The following PLEC variants were observed in gnomAD, a reference collection of about 807,000 sequenced individuals.
The protein encoded by PLEC is hemidesmosomal protein 1.
In PLEC, 216 loss-of-function variants were observed where a neutral mutation model predicts 392.8. That is an observed-to-expected ratio of 0.55 (90% CI 0.49 to 0.62). The LOEUF is 0.62. PLEC is among the 20% of genes least tolerant of loss of function. PLEC has a pLI of 0.00. For synonymous variants in PLEC, 3,621 were observed against 2,980.6 expected (o/e 1.21, Z -7.00); for missense variants, 6,863 against 6,563.4 (o/e 1.05, Z -1.58).
chr8:143,953,325 C>T (rs1832390082), upstream of PLEC, among the ~76,000 whole-genome samples: 1 of 149,674 alleles, frequency 6.7e-6, no homozygotes, highest in Admixed American at 6.6e-5. Flanking sequence ...GGCGCCTCTG[C>T]ACAGTGGTCC....
chr8:143,930,633 C>T (rs1826961260), intron 19 of PLEC, 97 bp from the exon 20 acceptor site: 1 of 1,311,702 alleles, frequency 7.6e-7, no homozygotes, highest in Admixed American at 2.1e-5. Context: ...TGGGGCCCTC[C>T]TGATGCTCCC....
At chr8:143,951,865 AC>A (rs1398189193), upstream of PLEC, among the ~76,000 whole-genome samples, 221 of 143,696 alleles carry the variant, frequency 1.5e-3, no homozygotes, top group African/African-American at 4.9e-3. Context: ...CCCATCATCC[AC>A]CCCCCCCTCC....
upstream of PLEC, among the ~76,000 whole-genome samples, chr8:143,941,189 G>C (rs117237647): frequency 6.6e-6 from 1 of 152,200 alleles, no homozygotes; most frequent in Non-Finnish European, 1.5e-5. Flanking sequence ...CTGGGGGCCC[G>C]GCCGTGACCA....
At chr8:143,938,058 G>A in intron 3 of PLEC, 93 bp downstream of exon 3, 3 of 872,372 alleles carry the variant, frequency 3.4e-6, no homozygotes, top group South Asian at 2.9e-5. Context: ...ATTCCAAGTA[G>A]AGTGGGCGGC....
chr8:143,972,503 G>A (rs1161494941), intron 1 of PLEC, among the ~76,000 whole-genome samples: 3 of 152,202 alleles, frequency 2.0e-5, no homozygotes, highest in African/African-American at 7.2e-5. Flanking sequence ...GCGGCACCAC[G>A]GGGCCCCAGC....
Position 143,925,781 on chromosome 8 carries a change from T to C in PLEC, c.4148A>G (p.Lys1383Arg). 6.3e-7 allele frequency: 1 copy of C among 1,587,028 alleles called. No individual in the cohort carries two copies. The highest frequency in any genetic ancestry group is 1.1e-5 in the South Asian group (1 of 89,482). ...RQLAEAHAQA[K>R]AQAEREAKEL... is the part of the protein sequence containing the mutation. ...CTTCGCCTCCCGCTCCGCCTGTGCCTTTGCCTGGGCGTGCGCCTCGGCCAG... is the reference window on the plus strand; with the variant it reads ...CTTCGCCTCCCGCTCCGCCTGTGCCCTTGCCTGGGCGTGCGCCTCGGCCAG... Residue 1383 changes from lysine to arginine, a missense_variant, in exon 31 of 32, where the codon AAG (lysine) becomes AGG (arginine). By Grantham distance (26) the Lys-to-Arg change is conservative. Coordinates refer to ENST00000345136, the MANE Select transcript of PLEC (RefSeq NM_201384.3).
intron 1 of PLEC, 124 bp downstream of exon 1, chr8:143,939,226 C>T (rs2132307830): frequency 7.5e-7 from 1 of 1,341,766 alleles, no homozygotes; most frequent in Non-Finnish European, 1.0e-6. Flanking sequence ...ATGGCTGGCC[C>T]CCGACCCCCA....
chr8:143,931,699 C>G, intron 18 of PLEC, 40 bp from the exon 19 acceptor site: 2 of 1,580,356 alleles, frequency 1.3e-6, no homozygotes, highest in Non-Finnish European at 1.7e-6. Flanking sequence ...CTACCTGGGA[C>G]CAGAGCCCCA....
intron 31 of PLEC, 37 bp from the exon 32 acceptor site, chr8:143,922,432 C>T (rs1823152580): frequency 3.7e-6 from 6 of 1,600,368 alleles, no homozygotes; most frequent in Non-Finnish European, 5.1e-6. Context: ...GACCGCCAGC[C>T]CAGGAGCACC....
chr8:143,923,961 C>G lies in PLEC; in HGVS notation c.5968G>C (p.Val1990Leu), dbSNP rs201588551. ...TCCTCGGCCGCCAGGCTCTTCTGCA[C>G]GCGCTCCTCAGCCTCACGGCGCCGC... The part of the protein sequence containing the change: ...ERRRREAEER[V>L]QKSLAAEEEA... The change falls in exon 31 of 32, where the codon GTG (valine) becomes CTG (leucine). Residue 1990 changes from valine (V) to leucine (L), a missense_variant. Physicochemically the swap from Val to Leu is conservative, Grantham distance 32. Transcript: ENST00000345136. 4 of 1,592,612 alleles carry G rather than the reference C, an allele frequency of 2.5e-6. No individual in the cohort carries two copies. In the East Asian group the frequency reaches 9.0e-5, roughly 36 times the overall value.
chr8:143,921,553 C>T lies in PLEC; in HGVS notation c.8268G>A (p.Glu2756=). The change falls in exon 32 of 32, where the codon GAG becomes GAA. Residue 2756 remains glutamate (E), a synonymous_variant. Coordinates refer to ENST00000345136, the MANE Select transcript of PLEC (RefSeq NM_201384.3). ...RRLTVNEAVK[E]GVVGPELHHK... is the part of the protein sequence containing the mutation. The stretch of plus-strand genomic sequence containing the variant: ...GGTGCAGCTCGGGGCCCACCACACC[C>T]TCCTTCACAGCCTCGTTGACGGTCA... 6.2e-7 allele frequency: 1 copy of T among 1,612,778 alleles called. No individual in the cohort carries two copies.
intron 30 of PLEC, among the ~76,000 whole-genome samples, chr8:143,926,342 C>A (rs1471903169): frequency 6.6e-6 from 1 of 152,148 alleles, no homozygotes; most frequent in Admixed American, 6.5e-5. Context: ...AGTGCAGACC[C>A]GAGCCAACTC....
chr8:143,970,670 C>T (rs1166834537), intron 1 of PLEC, among the ~76,000 whole-genome samples: 2 of 152,190 alleles, frequency 1.3e-5, no homozygotes, highest in Non-Finnish European at 2.9e-5. Context: ...GGCAACACCG[C>T]TCTCTTTTCA....
chr8:143,927,340 G>A lies in PLEC; in HGVS notation c.3757-5C>T, dbSNP rs782613076. 6.2e-7 allele frequency: 1 copy of A among 1,612,796 alleles called. No individual in the cohort carries two copies. The highest frequency in any genetic ancestry group is 8.5e-7 in the Non-Finnish European group (1 of 1,179,858). ...CTCGATCTCCTCCAGCAGGGCCTGGGTGATGGTGTGGTCAGAGCCGTGGCC... is the reference window on the plus strand; with the variant it reads ...CTCGATCTCCTCCAGCAGGGCCTGGATGATGGTGTGGTCAGAGCCGTGGCC... On this transcript the variant is annotated splice_polypyrimidine_tract_variant and splice_region_variant and intron_variant, in intron 27 of 31. Coordinates refer to ENST00000345136, the MANE Select transcript of PLEC (RefSeq NM_201384.3).
Position 143,933,228 on chromosome 8 carries a change from G to A in PLEC, c.1387C>T (p.Arg463Trp), listed in dbSNP as rs201884310. Residue 463 changes from arginine to tryptophan, a missense_variant, in exon 13 of 32, where the codon CGG (arginine) becomes TGG (tryptophan). Physicochemically the swap from Arg to Trp is moderately radical, Grantham distance 101. Coordinates refer to ENST00000345136, the MANE Select transcript of PLEC (RefSeq NM_201384.3). ...TACATCTGCTCGCCCTGCGGGTGCCGTCCATCCTTGAGGGTCTGCACGTCG... is the reference window on the plus strand; with the variant it reads ...TACATCTGCTCGCCCTGCGGGTGCCATCCATCCTTGAGGGTCTGCACGTCG... ...FNDVQTLKDG[R>W]HPQGEQMYRR... 67 of 1,612,884 alleles carry A rather than the reference G, an allele frequency of 4.2e-5. No individual in the cohort carries two copies. In the African/African-American group the frequency reaches 5.5e-4, roughly 13 times the overall value.
chr8:143,935,922 C>G lies in PLEC; in HGVS notation c.528G>C (p.Gln176His). The G allele has an allele frequency of 6.2e-7, 1 of 1,612,994 alleles. No homozygotes were observed. Among genetic ancestry groups the G allele is most frequent in the Non-Finnish European group, 8.5e-7 (1 of 1,179,976 alleles). ...LWSQRMVEGY[Q>H]GLRCDNFTSS... is the part of the protein sequence containing the mutation. ...AGGTGAAGTTGTCGCATCGCAGGCC[C>G]TGGTACCCCTCCACCATTCGCTGCG... The change falls in exon 6 of 32, where the codon CAG becomes CAC. Residue 176 changes from glutamine (Q) to histidine (H), a missense_variant. Transcript: ENST00000345136.
chr8:143,966,732 C>A (rs1364291724), intron 1 of PLEC, among the ~76,000 whole-genome samples: 1 of 151,290 alleles, frequency 6.6e-6, no homozygotes, highest in Non-Finnish European at 1.5e-5. Context: ...GGGCTCGGCT[C>A]GGGGGCACAG....
chr8:143,937,198 G>A lies in PLEC; in HGVS notation c.309C>T (p.Val103=). Residue 103 remains valine (V), a synonymous_variant, in exon 4 of 32, where the codon GTC becomes GTT. Transcript: ENST00000345136. ...GRMRFHKLQN[V]QIALDYLRHR... ...GCCGGAGGTAGTCCAGGGCAATCTGGACATTCTGCAGCTTGTGGAAACGCA... is the reference window on the plus strand; with the variant it reads ...GCCGGAGGTAGTCCAGGGCAATCTGAACATTCTGCAGCTTGTGGAAACGCA... 1 of 1,612,808 alleles carries A rather than the reference G, an allele frequency of 6.2e-7. No homozygotes were observed. Among genetic ancestry groups the A allele is most frequent in the South Asian group, 1.1e-5 (1 of 91,082 alleles).
rs797044715 is a variant in PLEC, at chr8:143,917,741, T to C, written c.12080A>G (p.Gln4027Arg). The change falls in exon 32 of 32, where the codon CAG becomes CGG. Residue 4027 changes from glutamine to arginine, a missense_variant. Physicochemically the swap from Gln to Arg is conservative, Grantham distance 43. Coordinates refer to ENST00000345136, the MANE Select transcript of PLEC (RefSeq NM_201384.3). The stretch of plus-strand genomic sequence containing the variant: ...CAGGATCAGGCCCTTCTTCATGGCC[T>C]GGAAGAGGGAGATGAGCTTCCCAGA... ...PYSGKLISLFQAMKKGLILKD... is the reference protein window; with the variant it reads ...PYSGKLISLFRAMKKGLILKD... The C allele has an allele frequency of 3.7e-6, 6 of 1,613,456 alleles. No homozygotes were observed. The highest frequency in any genetic ancestry group is 5.1e-6 in the Non-Finnish European group (6 of 1,180,006).
Sources: allele counts gnomAD v4.1 joint callset (sites outside exome capture counted in the v4.1 genomes callset), GRCh38; gene constraint gnomAD v4.1.1; transcripts MANE v1.5; gene names NCBI Gene and HGNC (gene_info 2026-07-23, HGNC 2026-07-21).